The following ESR1 variants were observed in gnomAD, a reference collection of about 807,000 sequenced individuals.
ESR1 encodes the protein estrogen receptor.
A neutral mutation model predicts 52.7 loss-of-function variants in ESR1; 12 were observed. The ratio of observed to expected loss-of-function variants is 0.23; its 90% CI spans 0.15 to 0.37. ESR1 has a LOEUF of 0.37. Ranked by LOEUF, ESR1 falls within the 10% of genes least tolerant of loss-of-function variation. ESR1 has a pLI of 1.00. For missense variants in ESR1, 584 were observed against 779.7 expected, an observed-to-expected ratio of 0.75 and a Z score of 2.99; for synonymous variants, 305 against 316.8, an observed-to-expected ratio of 0.96 and a Z score of 0.39.
intron 5 of ESR1, among the ~76,000 whole-genome samples, chr6:152,052,285 T>A (rs1585017823): frequency 1.3e-5 from 2 of 152,184 alleles, no homozygotes; most frequent in Middle Eastern, 6.8e-3. Flanking sequence ...ATGCCCCACC[T>A]CCAACACTGG....
chr6:151,742,817 C>A (rs1783196214), intron 2 of ESR1, among the ~76,000 whole-genome samples: 1 of 152,078 alleles, frequency 6.6e-6, no homozygotes, highest in Non-Finnish European at 1.5e-5. Context: ...GGCATTCAAT[C>A]AATATTTTTG....
intron 6 of ESR1, among the ~76,000 whole-genome samples, chr6:152,086,148 T>C (rs1361935434): frequency 6.6e-6 from 1 of 152,218 alleles, no homozygotes; most frequent in Non-Finnish European, 1.5e-5. Context: ...ATAGATGGAC[T>C]GTGCATTTTC....
chr6:152,097,597 A>C (rs2152503152), intron 7 of ESR1, among the ~76,000 whole-genome samples: 1 of 152,106 alleles, frequency 6.6e-6, no homozygotes, highest in South Asian at 2.1e-4. Flanking sequence ...ATTTCAAACT[A>C]GATAATAGTT....
intron 4 of ESR1, among the ~76,000 whole-genome samples, chr6:151,988,453 C>T (rs1353242688): frequency 1.3e-5 from 2 of 152,090 alleles, no homozygotes; most frequent in Admixed American, 6.5e-5. Context: ...TTCACTTGCA[C>T]GTTCACTGCT....
chr6:151,700,024 A>G (rs76251997), intron 1 of ESR1, among the ~76,000 whole-genome samples: 2 of 152,162 alleles, frequency 1.3e-5, no homozygotes, highest in East Asian at 1.9e-4. Context: ...TTACTGAATA[A>G]CAGCCAATTC....
chr6:152,099,102 C>A lies in ESR1; in HGVS notation c.*136C>A, dbSNP rs2050866556. On this transcript the variant is annotated 3_prime_UTR_variant, in exon 8 of 8. Coordinates refer to ENST00000206249, the MANE Select transcript of ESR1 (RefSeq NM_000125.4). ...ACCAATGGCTTTCTAGATGAGTGGCCATTCATTTGCTTGCTCAGTTCTTAG... is the reference window on the plus strand; with the variant it reads ...ACCAATGGCTTTCTAGATGAGTGGCAATTCATTTGCTTGCTCAGTTCTTAG... 1.4e-6 allele frequency: 1 copy of A among 712,934 alleles called. No individual in the cohort carries two copies. 44.2% of individuals were successfully genotyped at this position (712,934 alleles called of 1,614,324 possible). A position where few individuals can be genotyped will look rare whatever the true frequency, so the allele number is the denominator to read the frequency against.
rs530994998 is a variant in ESR1, at chr6:151,977,597, C to G, written c.1096+33089C>G. ...ATCGCTTGAGGTCAGGAGTTCGAGA[C>G]CAGCCTGGCCAACATGGTGAAACCC... On this transcript the variant is annotated intron_variant, in intron 4 of 7. Transcript: ENST00000206249. 3.3e-5 allele frequency among the ~76,000 whole-genome samples: 5 copies of G among 152,072 alleles called. No homozygotes were observed. In the East Asian group the frequency reaches 9.7e-4, roughly 29 times the overall value.
At chr6:151,928,614 T>A (rs193186605) in intron 3 of ESR1, among the ~76,000 whole-genome samples, 2 of 152,088 alleles carry the variant, frequency 1.3e-5, no homozygotes, top group East Asian at 3.9e-4. Flanking sequence ...CTTATCTAGT[T>A]TTTTTCTTCT....
chr6:151,887,788 T>C (rs554038055), intron 3 of ESR1, among the ~76,000 whole-genome samples: 4 of 149,620 alleles, frequency 2.7e-5, no homozygotes, highest in Non-Finnish European at 6.0e-5. Flanking sequence ...CTTAAGCTGG[T>C]TTTTTTTTTC....
Position 151,932,775 on chromosome 6 carries a change from G to A in ESR1, c.761-11398G>A, listed in dbSNP as rs561114069. On this transcript the variant is annotated intron_variant, in intron 3 of 7. Coordinates refer to ENST00000206249, the MANE Select transcript of ESR1 (RefSeq NM_000125.4). ...GATCAGATAGTTGTAGGTATGCGGC[G>A]TTATTTCTGAGGGCTCTGTTCTGTT... Among the ~76,000 whole-genome samples, 857 of 151,028 alleles carry A rather than the reference G, an allele frequency of 5.7e-3. 7 individuals are homozygous for A. Among genetic ancestry groups the A allele is most frequent in the African/African-American group, 0.018 (749 of 40,974 alleles).
intron 5 of ESR1, among the ~76,000 whole-genome samples, chr6:152,045,236 T>C (rs2046133318): frequency 6.6e-6 from 1 of 152,192 alleles, no homozygotes; most frequent in Non-Finnish European, 1.5e-5. Context: ...GTGGAATCTT[T>C]AATTGACGAA....
Position 152,102,367 on chromosome 6 carries a change from T to C in ESR1, c.*3401T>C. ...CAATTATGAGATGGACTGTGGGTAC[T>C]GGGAGTGATCACTAACACCATAGTA... On this transcript the variant is annotated 3_prime_UTR_variant, in exon 8 of 8. Coordinates refer to ENST00000206249, the MANE Select transcript of ESR1 (RefSeq NM_000125.4). 4.8e-6 allele frequency: 1 copy of C among 208,556 alleles called. No homozygotes were observed. 12.9% of individuals were successfully genotyped at this position (208,556 alleles called of 1,614,324 possible). A position where few individuals can be genotyped will look rare whatever the true frequency, so the allele number is the denominator to read the frequency against.
At chr6:151,773,542 G>A (rs1319947703) in intron 2 of ESR1, among the ~76,000 whole-genome samples, 2 of 152,170 alleles carry the variant, frequency 1.3e-5, no homozygotes, top group Admixed American at 6.5e-5. Context: ...CTTGGCTGAC[G>A]CATATGTTTG....
At chr6:151,687,799 T>C (rs141291192), upstream of ESR1, among the ~76,000 whole-genome samples, 74 of 152,338 alleles carry the variant, frequency 4.9e-4, no homozygotes, top group African/African-American at 1.6e-3. Flanking sequence ...CCAAGGAATG[T>C]GTGTTGACCC....
chr6:151,959,202 CT>C (rs2037369091), intron 4 of ESR1, among the ~76,000 whole-genome samples: 1 of 152,146 alleles, frequency 6.6e-6, no homozygotes, highest in Admixed American at 6.5e-5. Flanking sequence ...GAAATGCCCC[CT>C]ATTCAACCCT....
At chr6:151,767,688 G>T (rs1363356063) in intron 2 of ESR1, among the ~76,000 whole-genome samples, 1 of 152,162 alleles carries the variant, frequency 6.6e-6, no homozygotes, top group African/African-American at 2.4e-5. Context: ...TTCACAAAGG[G>T]AGATGTCAAA....
intron 2 of ESR1, among the ~76,000 whole-genome samples, chr6:151,716,960 G>A (rs1262389157): frequency 1.3e-5 from 2 of 152,212 alleles, no homozygotes; most frequent in Non-Finnish European, 2.9e-5. Flanking sequence ...GGCCCTGGAG[G>A]CATAGGCACC....
intron 2 of ESR1, among the ~76,000 whole-genome samples, chr6:151,728,040 T>C (rs772168578): frequency 1.3e-5 from 2 of 152,192 alleles, no homozygotes; most frequent in Non-Finnish European, 2.9e-5. Flanking sequence ...TGACTGAGTA[T>C]ATCCAATGGG....
intron 1 of ESR1, among the ~76,000 whole-genome samples, chr6:151,670,762 G>GTTTTT (rs35606990): frequency 7.3e-4 from 63 of 85,750 alleles, no homozygotes; most frequent in African/African-American, 9.9e-4. Context: ...TTTTGTTTTC[G>GTTTTT]TTTTTTTTTT....
Sources: gnomAD v4.1 joint callset for allele counts (sites outside exome capture counted in the v4.1 genomes callset) on GRCh38, gnomAD v4.1.1 for gene constraint, MANE v1.5 for transcripts, NCBI Gene and HGNC (gene_info 2026-07-23, HGNC 2026-07-21) for gene names.